SAMMSON: variants seen among roughly 807,000 people sequenced by gnomAD.
SAMMSON encodes long intergenic non-protein coding RNA 1212.
chr3:70,142,887 C>T (rs1044897231), intron 4 of SAMMSON, among the ~76,000 whole-genome samples: 64 of 152,046 alleles, frequency 4.2e-4, no homozygotes, highest in Admixed American at 2.4e-3. Context: ...ACAAAAGAAA[C>T]ATAATTCAAT....
At chr3:70,061,560 C>T (rs2067190534) in intron 3 of SAMMSON, among the ~76,000 whole-genome samples, 1 of 152,086 alleles carries the variant, frequency 6.6e-6, no homozygotes, top group African/African-American at 2.4e-5. Flanking sequence ...CTTGGCTGCC[C>T]ACTTTCCACA....
chr3:70,324,282 A>C (rs1405058784), intron 7 of SAMMSON, among the ~76,000 whole-genome samples: 1 of 151,994 alleles, frequency 6.6e-6, no homozygotes, highest in Non-Finnish European at 1.5e-5. Flanking sequence ...GCCCATTCAC[A>C]TTGCAGTTCA....
chr3:70,199,583 G>T (rs373681519), intron 4 of SAMMSON, among the ~76,000 whole-genome samples: 8 of 152,198 alleles, frequency 5.3e-5, no homozygotes, highest in Admixed American at 3.3e-4. Flanking sequence ...GATCTTTCAA[G>T]TGAGTTCCAC....
At chr3:70,287,601 T>C (rs1421508888) in intron 6 of SAMMSON, among the ~76,000 whole-genome samples, 2 of 152,134 alleles carry the variant, frequency 1.3e-5, no homozygotes, top group Non-Finnish European at 2.9e-5. Flanking sequence ...TTCCCTCTTT[T>C]TCTATTGATT....
At chr3:70,041,649 C>A (rs74687507) in intron 3 of SAMMSON, among the ~76,000 whole-genome samples, 2,879 of 151,942 alleles carry the variant, frequency 0.019, 96 homozygotes, top group African/African-American at 0.064. Flanking sequence ...TAAAAAATAA[C>A]AATACAACAT....
rs139296003 is a variant in SAMMSON at position 70,268,461 on chromosome 3, C to T, written n.674+18791C>T. Among the ~76,000 whole-genome samples, 914 of 116,768 alleles carry T rather than the reference C, an allele frequency of 7.8e-3. 44 individuals carry two copies. The East Asian group carries it at 0.16, about 20-fold the overall frequency. The allele number at this position is 116,768 out of a possible 152,430, so 76.6% of individuals were successfully genotyped here. A position where few individuals can be genotyped will look rare whatever the true frequency, so the allele number is the denominator to read the frequency against. On this transcript the variant is annotated intron_variant and non_coding_transcript_variant, in intron 6 of 9. Coordinates refer to ENST00000642114, the Ensembl canonical transcript of SAMMSON. The stretch of plus-strand genomic sequence containing the variant: ...CTGCACTCCAGCCTGGGCAACAGAG[C>T]GAGACTCCGTCTCAAAAAAAAAAAA...
chr3:70,168,386 C>T (rs1472974913), intron 4 of SAMMSON, among the ~76,000 whole-genome samples: 1 of 151,944 alleles, frequency 6.6e-6, no homozygotes, highest in Non-Finnish European at 1.5e-5. Context: ...AGTAGTGGCG[C>T]CTTTTAAGGA....
In SAMMSON at chr3:70,020,957, A is replaced by T. The variant is rs1282055042; in HGVS notation, n.417+7285A>T. Among the ~76,000 whole-genome samples the T allele has an allele frequency of 2.6e-5, 4 of 152,208 alleles. No homozygotes were observed. In the East Asian group the frequency reaches 7.7e-4, roughly 29 times the overall value. On this transcript the variant is annotated intron_variant and non_coding_transcript_variant, in intron 3 of 9. Coordinates refer to ENST00000642114, the Ensembl canonical transcript of SAMMSON. ...GAAAATGGCAGAACCAAGTTCTGAA[A>T]GTGTTGGTAATGGTGAATGAAATGA...
chr3:70,288,461 G>A (rs1038342270), intron 6 of SAMMSON, among the ~76,000 whole-genome samples: 1 of 151,314 alleles, frequency 6.6e-6, no homozygotes, highest in Non-Finnish European at 1.5e-5. Context: ...CATTTGCTGA[G>A]GAGAACTTTA....
intron 7 of SAMMSON, among the ~76,000 whole-genome samples, chr3:70,340,435 A>T (rs546969265): frequency 6.6e-6 from 1 of 152,140 alleles, no homozygotes; most frequent in African/African-American, 2.4e-5. Flanking sequence ...CCTGCTTGAA[A>T]TGTTGGCCTT....
At chr3:70,173,691 A>G (rs1388376547) in intron 4 of SAMMSON, among the ~76,000 whole-genome samples, 1 of 151,928 alleles carries the variant, frequency 6.6e-6, no homozygotes, top group African/African-American at 2.4e-5. Context: ...AATGACAAAA[A>G]TAAGTACTTT....
chr3:70,221,552 A>T (rs1449490680), intron 4 of SAMMSON, among the ~76,000 whole-genome samples: 6 of 152,066 alleles, frequency 3.9e-5, no homozygotes, highest in Non-Finnish European at 8.8e-5. Context: ...CAGGAGCTTT[A>T]TGGCCTATTT....
chr3:70,252,710 T>C (rs1701780914), intron 6 of SAMMSON, among the ~76,000 whole-genome samples: 1 of 152,172 alleles, frequency 6.6e-6, no homozygotes, highest in South Asian at 2.1e-4. Flanking sequence ...TTTTTTTAAA[T>C]TGAATGCCTC....
rs1491570758 is a variant in SAMMSON at position 70,045,043 on chromosome 3, A to AT, written n.418-26432dup. ...TTAATTATAATATATATTATAATTA[A>AT]TATATATAATTAATTATAATATATA... On this transcript the variant is annotated intron_variant and non_coding_transcript_variant, in intron 3 of 9. Coordinates refer to ENST00000642114, the Ensembl canonical transcript of SAMMSON. 5.6e-4 allele frequency among the ~76,000 whole-genome samples: 68 copies of AT among 121,916 alleles called. 1 individual carries two copies. In the East Asian group the frequency reaches 9.2e-3, roughly 17 times the overall value. 80.0% of individuals were successfully genotyped at this position (121,916 alleles called of 152,430 possible). A position where few individuals can be genotyped will look rare whatever the true frequency, so the allele number is the denominator to read the frequency against.
intron 2 of SAMMSON, among the ~76,000 whole-genome samples, chr3:70,404,110 A>G (rs773452964): frequency 4.6e-5 from 7 of 152,122 alleles, no homozygotes; most frequent in Non-Finnish European, 1.0e-4. Flanking sequence ...TAGTGATTAA[A>G]AATTTTACTG....
chr3:70,252,685 A>G (rs762061556), intron 6 of SAMMSON, among the ~76,000 whole-genome samples: 17 of 152,094 alleles, frequency 1.1e-4, no homozygotes, highest in Non-Finnish European at 2.1e-4. Flanking sequence ...GTATTGCCCT[A>G]TGTTTATTTA....
chr3:70,342,775 A>G (rs1419822177), intron 7 of SAMMSON, among the ~76,000 whole-genome samples: 2 of 152,188 alleles, frequency 1.3e-5, no homozygotes, highest in African/African-American at 4.8e-5. Flanking sequence ...GGCATTTCCA[A>G]TGTAAATGTG....
intron 9 of SAMMSON, among the ~76,000 whole-genome samples, chr3:70,364,019 T>C (rs1702899428): frequency 1.3e-5 from 2 of 151,948 alleles, no homozygotes; most frequent in East Asian, 3.9e-4. Flanking sequence ...TGAGATCTTA[T>C]CTGTTGACAT....
chr3:70,414,526 C>T (rs1364424204), intron 2 of SAMMSON, among the ~76,000 whole-genome samples: 2 of 152,150 alleles, frequency 1.3e-5, no homozygotes, highest in African/African-American at 4.8e-5. Context: ...TAAGTTAATA[C>T]TCTTCCTGAT....
Sources: allele counts gnomAD v4.1 joint callset (sites outside exome capture counted in the v4.1 genomes callset), GRCh38; gene constraint gnomAD v4.1.1; transcripts MANE v1.5; gene names NCBI Gene and HGNC (gene_info 2026-07-23, HGNC 2026-07-21).